LRIG2: variants seen among roughly 807,000 people sequenced by gnomAD.
LRIG2 encodes the protein leucine rich repeats and immunoglobulin like domains 2.
Under a neutral mutation model 107.8 loss-of-function variants are expected in LRIG2, and 93 were observed. That is an observed-to-expected ratio of 0.86 (90% confidence interval 0.73 to 1.03). The LOEUF (loss-of-function observed/expected upper bound fraction) is 1.03, where lower values mean the gene tolerates loss of function less well. LRIG2 is among the 50% of genes least tolerant of loss of function. The probability of loss-of-function intolerance (pLI) is 0.00; values close to 1 mark genes in which losing one functional copy is unlikely to be tolerated. For synonymous variants in LRIG2, 471 were observed against 470.6 expected (o/e 1.00, Z -0.01); for missense variants, 1,226 against 1,296.0 (o/e 0.95, Z 0.83).
intron 16 of LRIG2, among the ~76,000 whole-genome samples, chr1:113,118,030 C>T (rs1655090812): frequency 6.6e-6 from 1 of 152,146 alleles, no homozygotes; most frequent in Non-Finnish European, 1.5e-5. Flanking sequence ...AGCGATTCTC[C>T]TGCCTCAGCC....
chr1:113,122,595 C>T (rs964330335), intron 17 of LRIG2, among the ~76,000 whole-genome samples: 10 of 152,120 alleles, frequency 6.6e-5, no homozygotes, highest in Admixed American at 2.6e-4. Context: ...TTTTTTGTAA[C>T]TTTGGGGATG....
intron 1 of LRIG2, among the ~76,000 whole-genome samples, chr1:113,075,692 C>CTTTTTTTTT (rs34293194): frequency 8.5e-6 from 1 of 117,742 alleles, no homozygotes; most frequent in Non-Finnish European, 1.6e-5. Context: ...GTGGCCTATA[C>CTTTTTTTTT]TTTTTTTTTT....
In LRIG2 at chr1:113,114,771, G is replaced by A; in HGVS notation, c.2425G>A (p.Val809Ile). 1 of 1,614,138 alleles carries A rather than the reference G, an allele frequency of 6.2e-7. No individual in the cohort carries two copies. Among genetic ancestry groups the A allele is most frequent in the Non-Finnish European group, 8.5e-7 (1 of 1,180,014 alleles). The change falls in exon 15 of 18, where the codon GTC (valine) becomes ATC (isoleucine). Residue 809 changes from valine (V) to isoleucine (I), a missense_variant. Transcript: ENST00000361127. ...TGATGGCTGGACCACAGTTGGCATT[G>A]TCATCATTGTTGTGGTCTGCTGTGT... Reference protein sequence around the residue: ...EDDGWTTVGIVIIVVVCCVVG... With the variant: ...EDDGWTTVGIIIIVVVCCVVG...
chr1:113,073,719 G>C, intron 1 of LRIG2, 74 bp downstream of exon 1: 2 of 1,372,770 alleles, frequency 1.5e-6, no homozygotes, highest in South Asian at 1.2e-5. Context: ...GCAGGAGGGA[G>C]ACAGGCCTGG....
At chr1:113,115,311 C>T (rs1284413512) in intron 15 of LRIG2, among the ~76,000 whole-genome samples, 5 of 152,062 alleles carry the variant, frequency 3.3e-5, no homozygotes, top group Admixed American at 2.0e-4. Context: ...ACTTCCCAGG[C>T]TCAGGTGATT....
Position 113,126,840 on chromosome 1 carries a change from C to G in LRIG2, c.*2739C>G, listed in dbSNP as rs549201473. 6.1e-6 allele frequency: 1 copy of G among 164,874 alleles called. No individual in the cohort carries two copies. The highest frequency in any genetic ancestry group is 2.1e-4 in the South Asian group (1 of 4,830). The allele number at this position is 164,874 out of a possible 1,614,324, so 10.2% of individuals were successfully genotyped here. ...CTAGCAAATTGTTATCACTCATAAG[C>G]CTGTAATCTTCATCACTCAGGTTAT... On this transcript the variant is annotated 3_prime_UTR_variant, in exon 18 of 18. Coordinates refer to ENST00000361127, the MANE Select transcript of LRIG2 (RefSeq NM_014813.3).
At chr1:113,096,055 A>G in intron 7 of LRIG2, 38 bp downstream of exon 7, 1 of 1,612,528 alleles carries the variant, frequency 6.2e-7, no homozygotes, top group South Asian at 1.1e-5. Flanking sequence ...GGCAGTTAAG[A>G]CTAGAGCAGA....
Position 113,112,735 on chromosome 1 carries a change from A to G in LRIG2, c.2055A>G (p.Ser685=), listed in dbSNP as rs1162240387. The G allele has an allele frequency of 6.2e-7, 1 of 1,606,428 alleles. No homozygotes were observed. The highest frequency in any genetic ancestry group is 8.5e-7 in the Non-Finnish European group (1 of 1,173,346). The stretch of plus-strand genomic sequence containing the variant: ...CACAAAATACAGCAGGAGGTCTCTC[A>G]GCAAATGCTTCCCTAACAGTGTTAG... The part of the protein sequence containing the change: ...CMAQNTAGGL[S]ANASLTVLET... The change falls in exon 14 of 18, where the codon TCA becomes TCG. Residue 685 remains serine (S), a synonymous_variant. Transcript: ENST00000361127.
chr1:113,090,494 T>C (rs1294932678), intron 1 of LRIG2, among the ~76,000 whole-genome samples: 1 of 152,134 alleles, frequency 6.6e-6, no homozygotes, highest in Non-Finnish European at 1.5e-5. Flanking sequence ...TAAACATTCT[T>C]GTCTATACTA....
At chr1:113,114,188 C>A (rs1014101376) in intron 14 of LRIG2, among the ~76,000 whole-genome samples, 2 of 151,976 alleles carry the variant, frequency 1.3e-5, no homozygotes, top group Admixed American at 6.6e-5. Flanking sequence ...CTGCTCACCC[C>A]CTCCAGCTAT....
At chr1:113,118,411 T>A (rs1050143170) in intron 16 of LRIG2, among the ~76,000 whole-genome samples, 2 of 152,250 alleles carry the variant, frequency 1.3e-5, no homozygotes, top group Non-Finnish European at 2.9e-5. Flanking sequence ...TAGCAATTGG[T>A]GTTACTTAAC....
chr1:113,083,580 A>G (rs1333302740), intron 1 of LRIG2, among the ~76,000 whole-genome samples: 2 of 151,640 alleles, frequency 1.3e-5, no homozygotes, highest in African/African-American at 2.4e-5. Flanking sequence ...TCCAGACCTC[A>G]GGTGATCCAC....
chr1:113,078,972 A>G (rs1249398893), intron 1 of LRIG2, among the ~76,000 whole-genome samples: 1 of 152,124 alleles, frequency 6.6e-6, no homozygotes, highest in Non-Finnish European at 1.5e-5. Context: ...ATAACTTTGT[A>G]ACTTGCGGTT....
chr1:113,111,581 T>G (rs956699070), intron 13 of LRIG2, among the ~76,000 whole-genome samples: 1 of 151,968 alleles, frequency 6.6e-6, no homozygotes, highest in African/African-American at 2.4e-5. Flanking sequence ...GGTGTTTGGT[T>G]TTTCACTCCA....
intron 13 of LRIG2, among the ~76,000 whole-genome samples, chr1:113,110,990 TTG>T (rs71087153): frequency 5.4e-5 from 8 of 149,516 alleles, no homozygotes; most frequent in Non-Finnish European, 7.4e-5. Context: ...ACAGGATCAT[TTG>T]TGTGTGTGTG....
At chr1:113,116,017 G>T (rs746060974) in intron 15 of LRIG2, among the ~76,000 whole-genome samples, 18 of 152,134 alleles carry the variant, frequency 1.2e-4, no homozygotes, top group Non-Finnish European at 2.5e-4. Flanking sequence ...TGCAAGAAAA[G>T]AAATCTAGGC....
rs775541563 is a variant in LRIG2 at position 113,119,307 on chromosome 1, T to C, written c.2755T>C (p.Cys919Arg). ...CATCTACTCCAGGACCCGAGAATAC[T>C]GTCCATACACCTATATTGCTGAGGA... is the stretch of plus-strand genomic sequence containing the variant. Reference protein sequence around the residue: ...ANIYSRTREYCPYTYIAEEDV... With the variant: ...ANIYSRTREYRPYTYIAEEDV... The change falls in exon 17 of 18, where the codon TGT becomes CGT. Residue 919 changes from cysteine to arginine, a missense_variant. Cys to Arg is a radical substitution (Grantham distance 180). Coordinates refer to ENST00000361127, the MANE Select transcript of LRIG2 (RefSeq NM_014813.3). 4 of 1,614,164 alleles carry C rather than the reference T, an allele frequency of 2.5e-6. No individual in the cohort carries two copies. In the Admixed American group the frequency reaches 6.7e-5, roughly 27 times the overall value.
intron 13 of LRIG2, among the ~76,000 whole-genome samples, chr1:113,111,590 C>T (rs1393766049): frequency 6.6e-6 from 1 of 152,120 alleles, no homozygotes; most frequent in Non-Finnish European, 1.5e-5. Flanking sequence ...TTTTTCACTC[C>T]ACACAGGATC....
chr1:113,113,177 TTGC>T (rs925466436), intron 14 of LRIG2, among the ~76,000 whole-genome samples: 2 of 148,746 alleles, frequency 1.3e-5, no homozygotes, highest in Non-Finnish European at 3.0e-5. Context: ...ATTTAACTGT[TTGC>T]TCCTAGTTCA....
Sources: gnomAD v4.1 joint callset for allele counts (sites outside exome capture counted in the v4.1 genomes callset) on GRCh38, gnomAD v4.1.1 for gene constraint, MANE v1.5 for transcripts, NCBI Gene and HGNC (gene_info 2026-07-23, HGNC 2026-07-21) for gene names.